SMARCA1: variants seen among roughly 807,000 people sequenced by gnomAD.
The protein encoded by SMARCA1 is SNF2 related chromatin remodeling ATPase 1, also known as SWI/SNF-related matrix-associated actin-dependent regulator of chromatin subfamily A member 1.
Under a neutral mutation model 93.6 loss-of-function variants are expected in SMARCA1, and 17 were observed. The observed-to-expected ratio is 0.18, with a 90% CI of 0.12 to 0.27. The LOEUF is 0.27. Ranked by LOEUF, SMARCA1 falls within the 10% of genes least tolerant of loss-of-function variation. SMARCA1 has a pLI of 1.00. For synonymous variants in SMARCA1, 271 were observed against 271.4 expected (o/e 1.00, Z 0.01); for missense variants, 630 against 819.0 (o/e 0.77, Z 2.82).
At chrX:129,521,009 C>T (rs1350589642) in intron 1 of SMARCA1, among the ~76,000 whole-genome samples, 2 of 109,995 alleles carry the variant, frequency 1.8e-5, no homozygotes, top group African/African-American at 6.7e-5. Flanking sequence ...TCCCAAGTAG[C>T]TGGGATTACA....
intron 23 of SMARCA1, among the ~76,000 whole-genome samples, chrX:129,457,107 A>G (rs900989627): frequency 8.9e-6 from 1 of 111,903 alleles, no homozygotes; most frequent in Non-Finnish European, 1.9e-5. Flanking sequence ...AGCAACAACC[A>G]CCCTGATCAG....
chrX:129,499,882 A>G, intron 9 of SMARCA1, 41 bp from the exon 10 acceptor site: 1 of 627,911 alleles, frequency 1.6e-6, no homozygotes, highest in Non-Finnish European at 2.5e-6. Context: ...TGAAACATTT[A>G]ATATGATTAA....
chrX:129,448,965 T>TGC (rs1398879390), intron 23 of SMARCA1, among the ~76,000 whole-genome samples: 1 of 103,423 alleles, frequency 9.7e-6, no homozygotes, highest in Admixed American at 1.0e-4. Flanking sequence ...TGCATTGAAC[T>TGC]GCACACACAC....
rs994904480 is a variant in SMARCA1 at position 129,489,627 on chromosome X, G to A, written c.1948+433C>T. 1.1e-4 allele frequency among the ~76,000 whole-genome samples: 12 copies of A among 112,221 alleles called. No homozygotes were observed. The South Asian group carries it at 1.5e-3, about 14-fold the overall frequency. ...AGGCGGAGTGCAGTGGCGCGATCTC[G>A]GCTCACTGCAACCTCCACCTCCCAG... On this transcript the variant is annotated intron_variant, in intron 15 of 24. Coordinates refer to ENST00000371121, the MANE Select transcript of SMARCA1 (RefSeq NM_001282874.2).
chrX:129,450,689 C>A (rs757159563), intron 23 of SMARCA1, among the ~76,000 whole-genome samples: 1 of 110,989 alleles, frequency 9.0e-6, no homozygotes, highest in Non-Finnish European at 1.9e-5. Flanking sequence ...TATATATACA[C>A]AGAAATAGCT....
intron 2 of SMARCA1, 111 bp from the exon 3 acceptor site, chrX:129,516,608 T>A: frequency 1.6e-6 from 1 of 614,121 alleles, no homozygotes; most frequent in Non-Finnish European, 2.5e-6. Context: ...ATTAATCCAT[T>A]CAATTCTCTT....
At chrX:129,484,680 T>G (rs749057045) in intron 17 of SMARCA1, among the ~76,000 whole-genome samples, 3 of 112,150 alleles carry the variant, frequency 2.7e-5, no homozygotes, top group Non-Finnish European at 5.6e-5. Flanking sequence ...GAGTCCATAC[T>G]GATATAAATA....
chrX:129,481,136 T>C lies in SMARCA1; in HGVS notation c.2267A>G (p.Asn756Ser), dbSNP rs368573573. 8.0e-5 allele frequency: 97 copies of C among 1,206,734 alleles called. No homozygotes were observed. The highest frequency in any genetic ancestry group is 8.4e-5 in the Non-Finnish European group (75 of 892,804). ...IEPPKRERKANYAVDAYFREA... is the reference protein window; with the variant it reads ...IEPPKRERKASYAVDAYFREA... ...TCTAAAGTAGGCATCCACTGCGTAG[T>C]TTGCTTTGCGTTCTCGTTTAGGAGG... Residue 756 changes from asparagine to serine, a missense_variant, in exon 18 of 25, where the codon AAC becomes AGC. By Grantham distance (46) the Asn-to-Ser change is conservative. This residue lies in a region of SMARCA1 where 382 missense variants were observed against 537.9 expected (regional missense o/e 0.71). Transcript: ENST00000371121.
In SMARCA1 at chrX:129,484,973, G is replaced by A. The variant is rs186349047; in HGVS notation, c.2217+2045C>T. ...TTACCAGGCAGAAGCCTGCCACAGG[G>A]GCGCTGCCCTGTGGAGCGACTCTAC... On this transcript the variant is annotated intron_variant, in intron 17 of 24. Coordinates refer to ENST00000371121, the MANE Select transcript of SMARCA1 (RefSeq NM_001282874.2). 2.8e-3 allele frequency among the ~76,000 whole-genome samples: 310 copies of A among 112,372 alleles called. 2 individuals carry two copies. The highest frequency in any genetic ancestry group is 9.6e-3 in the African/African-American group (296 of 30,984).
chrX:129,506,729 G>C (rs1471845161), intron 7 of SMARCA1, among the ~76,000 whole-genome samples: 1 of 99,683 alleles, frequency 1.0e-5, no homozygotes, highest in Non-Finnish European at 2.0e-5. Flanking sequence ...GAAGAATGCA[G>C]ATCATATTTA....
intron 13 of SMARCA1, among the ~76,000 whole-genome samples, chrX:129,492,705 A>C (rs1934175456): frequency 9.0e-6 from 1 of 111,288 alleles, no homozygotes; most frequent in African/African-American, 3.3e-5. Flanking sequence ...ATTAATATGA[A>C]TATTCTTACT....
chrX:129,454,275 T>C (rs1602642765), intron 23 of SMARCA1, among the ~76,000 whole-genome samples: 1 of 111,889 alleles, frequency 8.9e-6, no homozygotes, highest in Middle Eastern at 4.6e-3. Context: ...TCCTTACACC[T>C]TATACAAAAA....
chrX:129,499,964 C>A, intron 9 of SMARCA1, 123 bp from the exon 10 acceptor site: 2 of 317,893 alleles, frequency 6.3e-6, no homozygotes, highest in South Asian at 1.1e-4. Context: ...ACTACCAATA[C>A]CAGTTGCGAA....
chrX:129,481,495 T>C (rs1644596067), intron 17 of SMARCA1, among the ~76,000 whole-genome samples: 1 of 112,186 alleles, frequency 8.9e-6, no homozygotes, highest in Non-Finnish European at 1.9e-5. Context: ...GTAGCTAATA[T>C]AGACGGAAGA....
At chrX:129,472,722 A>G (rs1204423582) in intron 19 of SMARCA1, among the ~76,000 whole-genome samples, 1 of 111,905 alleles carries the variant, frequency 8.9e-6, no homozygotes, top group East Asian at 2.8e-4. Context: ...GAAGTGTTTC[A>G]GATTTCAGAT....
intron 5 of SMARCA1, among the ~76,000 whole-genome samples, chrX:129,513,385 G>A (rs936342946): frequency 2.9e-4 from 31 of 107,875 alleles, no homozygotes; most frequent in African/African-American, 9.4e-4. Flanking sequence ...TTAGCCAGGC[G>A]TGGTGGTGGG....
At chrX:129,498,530 T>C (rs1207845206) in intron 10 of SMARCA1, among the ~76,000 whole-genome samples, 1 of 111,755 alleles carries the variant, frequency 8.9e-6, no homozygotes, top group Non-Finnish European at 1.9e-5. Flanking sequence ...TGATAATATG[T>C]AATTATAATA....
At chrX:129,514,551 C>A (rs1479961887) in intron 5 of SMARCA1, among the ~76,000 whole-genome samples, 2 of 112,349 alleles carry the variant, frequency 1.8e-5, no homozygotes, top group Non-Finnish European at 3.8e-5. Flanking sequence ...ATCATTCACA[C>A]ATGCATATAT....
Position 129,497,871 on chromosome X carries a change from T to C in SMARCA1, c.1478A>G (p.Lys493Arg), listed in dbSNP as rs1389766558. The change falls in exon 11 of 25, where the codon AAA becomes AGA. Residue 493 changes from lysine (K) to arginine (R), a missense_variant. Physicochemically the swap from Lys to Arg is conservative, Grantham distance 26. Transcript: ENST00000371121. The part of the protein sequence containing the change: ...SNSGKMVVLD[K>R]LLAKLKEQGS... ...CTGTTCTTTGAGTTTGGCCAATAGT[T>C]TATCCAGAACTACCATTTTACCACT... The C allele has an allele frequency of 3.3e-6, 4 of 1,203,670 alleles. No homozygotes were observed. The Admixed American group carries it at 8.7e-5, about 26-fold the overall frequency.
Sources: allele counts gnomAD v4.1 joint callset (sites outside exome capture counted in the v4.1 genomes callset), GRCh38; gene constraint gnomAD v4.1.1; regional missense constraint gnomAD v4.1.1; transcripts MANE v1.5; gene names NCBI Gene and HGNC (gene_info 2026-07-23, HGNC 2026-07-21).